MAST4: variants seen among roughly 807,000 people sequenced by gnomAD.
MAST4 encodes microtubule-associated serine/threonine-protein kinase 4.
In MAST4, 89 loss-of-function variants were observed where a neutral mutation model predicts 162.7. The ratio of observed to expected loss-of-function variants is 0.55; its 90% CI spans 0.46 to 0.65. The LOEUF is 0.65. MAST4 is among the 30% of genes least tolerant of loss of function. MAST4 has a pLI of 0.00. For missense variants in MAST4, 3,153 were observed against 3,374.0 expected (o/e 0.93, Z 1.62); for synonymous variants, 1,479 against 1,361.1 (o/e 1.09, Z -1.91).
In MAST4 at chr5:67,094,228, G is replaced by A. The variant is rs540573113; in HGVS notation, c.834-1369G>A. The A allele has an allele frequency of 7.4e-5, 89 of 1,210,332 alleles. No individual in the cohort carries two copies. In the East Asian group the frequency reaches 1.0e-3, roughly 14 times the overall value. 75.0% of individuals were successfully genotyped at this position (1,210,332 alleles called of 1,614,324 possible). A position where few individuals can be genotyped will look rare whatever the true frequency, so the allele number is the denominator to read the frequency against. Reference sequence around the variant, plus strand: ...GTGATTTGTCCACTTGAATTTTTCCGTCTTGTCTTTGTGGACCATTTGCAT... The same window carrying A: ...GTGATTTGTCCACTTGAATTTTTCCATCTTGTCTTTGTGGACCATTTGCAT... On this transcript the variant is annotated intron_variant, in intron 6 of 28. Coordinates refer to ENST00000403625, the MANE Select transcript of MAST4 (RefSeq NM_001164664.2).
At chr5:66,989,632 G>A (rs1749865931) in intron 4 of MAST4, among the ~76,000 whole-genome samples, 1 of 152,104 alleles carries the variant, frequency 6.6e-6, no homozygotes, top group South Asian at 2.1e-4. Flanking sequence ...CTCCCTTACA[G>A]AAAGAAATAT....
intron 4 of MAST4, among the ~76,000 whole-genome samples, chr5:67,048,513 AAG>A (rs1196800109): frequency 4.0e-5 from 6 of 151,886 alleles, no homozygotes; most frequent in Non-Finnish European, 2.9e-5. Context: ...AACAGGTTCA[AAG>A]AGATTTTTTT....
intron 17 of MAST4, among the ~76,000 whole-genome samples, chr5:67,133,944 T>G (rs1769299236): frequency 6.6e-6 from 1 of 152,126 alleles, no homozygotes; most frequent in Non-Finnish European, 1.5e-5. Context: ...TGTAAGGAAT[T>G]CAGGAGTCTC....
chr5:67,082,039 C>A (rs993962482), intron 5 of MAST4, among the ~76,000 whole-genome samples: 1 of 152,030 alleles, frequency 6.6e-6, no homozygotes, highest in African/African-American at 2.4e-5. Context: ...GATACTTCAT[C>A]ACTTACATGA....
At chr5:66,629,465 G>C (rs1744658900) in intron 1 of MAST4, among the ~76,000 whole-genome samples, 1 of 152,116 alleles carries the variant, frequency 6.6e-6, no homozygotes, top group Non-Finnish European at 1.5e-5. Context: ...TCAAGTTTTA[G>C]CAAATTACTG....
At chr5:67,104,698 A>G (rs1346908792) in intron 10 of MAST4, 123 bp downstream of exon 10, 6 of 287,498 alleles carry the variant, frequency 2.1e-5, no homozygotes, top group South Asian at 1.6e-4. Context: ...AAAAAGAAGG[A>G]AAAAAAAAAA....
At chr5:66,718,313 TGATTAAGTTATGA>T (rs1750981705) in intron 1 of MAST4, among the ~76,000 whole-genome samples, 1 of 152,032 alleles carries the variant, frequency 6.6e-6, no homozygotes, top group Admixed American at 6.5e-5. Flanking sequence ...TCGGTATAAA[TGATTAAGTTATGA>T]TGTCATCTTG....
chr5:66,632,152 G>A (rs926801819), intron 1 of MAST4, among the ~76,000 whole-genome samples: 1 of 152,166 alleles, frequency 6.6e-6, no homozygotes, highest in African/African-American at 2.4e-5. Context: ...ATATGTTGGA[G>A]TCCGAAGCCC....
At chr5:66,660,712 T>A (rs1029532203) in intron 1 of MAST4, among the ~76,000 whole-genome samples, 8 of 152,202 alleles carry the variant, frequency 5.3e-5, no homozygotes, top group Non-Finnish European at 8.8e-5. Context: ...AGGATTTTAA[T>A]TTGGGGGATA....
At chr5:67,065,322 T>TGGCTTTGGCTTTTCTGC (rs1376661551) in intron 5 of MAST4, among the ~76,000 whole-genome samples, 11 of 152,228 alleles carry the variant, frequency 7.2e-5, no homozygotes, top group African/African-American at 2.7e-4. Context: ...GTGATTTCTG[T>TGGCTTTGGCTTTTCTGC]GGCTTTGGCT....
chr5:66,870,443 T>C (rs1760845834), intron 3 of MAST4, among the ~76,000 whole-genome samples: 1 of 152,226 alleles, frequency 6.6e-6, no homozygotes, highest in Non-Finnish European at 1.5e-5. Flanking sequence ...AGAAATCATG[T>C]TCCAGTTTCC....
intron 5 of MAST4, among the ~76,000 whole-genome samples, chr5:67,078,864 A>G (rs1255150267): frequency 8.9e-6 from 1 of 112,350 alleles, no homozygotes; most frequent in Non-Finnish European, 1.7e-5. Flanking sequence ...ATTTATATAA[A>G]TATATATTTA....
At chr5:66,715,246 T>C (rs937258949) in intron 1 of MAST4, among the ~76,000 whole-genome samples, 1 of 152,186 alleles carries the variant, frequency 6.6e-6, no homozygotes, top group Non-Finnish European at 1.5e-5. Context: ...GATTGTTGTA[T>C]AGAGGGCATG....
At chr5:66,861,338 C>G (rs757615818) in intron 3 of MAST4, among the ~76,000 whole-genome samples, 1 of 152,230 alleles carries the variant, frequency 6.6e-6, no homozygotes, top group Non-Finnish European at 1.5e-5. Context: ...TGAGAGCCTT[C>G]TTTGTGCCAC....
At chr5:66,777,905 G>C (rs1424806509) in intron 2 of MAST4, among the ~76,000 whole-genome samples, 1 of 152,146 alleles carries the variant, frequency 6.6e-6, no homozygotes, top group Non-Finnish European at 1.5e-5. Flanking sequence ...CTATTTATTT[G>C]CTGTTTCCTT....
chr5:66,792,919 A>G (rs1053218118), intron 3 of MAST4, among the ~76,000 whole-genome samples: 1 of 152,354 alleles, frequency 6.6e-6, no homozygotes. Context: ...GTTTATGTCC[A>G]GATGATAGCA....
chr5:67,090,242 T>C lies in MAST4; in HGVS notation c.833+11T>C, dbSNP rs372195966. 31 of 1,605,422 alleles carry C rather than the reference T, an allele frequency of 1.9e-5. No homozygotes were observed. In the East Asian group the frequency reaches 4.5e-4, roughly 23 times the overall value. On this transcript the variant is annotated intron_variant, in intron 6 of 28. Transcript: ENST00000403625. Reference sequence around the variant, plus strand: ...TTCATTTGCACGGAGGTAAGGACTTTTTGTGAGTGGAGGCATAAGGTCTTA... The same window carrying C: ...TTCATTTGCACGGAGGTAAGGACTTCTTGTGAGTGGAGGCATAAGGTCTTA...
intron 3 of MAST4, among the ~76,000 whole-genome samples, chr5:66,880,234 T>C (rs1261365059): frequency 1.3e-5 from 2 of 152,190 alleles, no homozygotes; most frequent in Admixed American, 1.3e-4. Flanking sequence ...TATGTACTCA[T>C]TGGCTTATGT....
At position 66,704,448 on chromosome 5, in the gene MAST4, G is replaced by T. The variant is rs369224969; in HGVS notation, c.364-55261G>T. ...AGCTGCTGTTCCATCCTTCATCTCT[G>T]TTGAAAGCTCCTTTCTTCTGCATCC... On this transcript the variant is annotated intron_variant, in intron 1 of 28. Coordinates refer to ENST00000403625, the MANE Select transcript of MAST4 (RefSeq NM_001164664.2). Among the ~76,000 whole-genome samples the T allele has an allele frequency of 1.7e-3, 247 of 147,332 alleles. 1 individual carries two copies. Among genetic ancestry groups the T allele is most frequent in the African/African-American group, 5.8e-3 (231 of 39,620 alleles).
Sources: gnomAD v4.1 joint callset for allele counts (sites outside exome capture counted in the v4.1 genomes callset) on GRCh38, gnomAD v4.1.1 for gene constraint, MANE v1.5 for transcripts, NCBI Gene and HGNC (gene_info 2026-07-23, HGNC 2026-07-21) for gene names.